Variants in NBN observed in about 807,000 individuals in gnomAD.
NBN encodes nibrin.
A neutral mutation model predicts 90.8 loss-of-function variants in NBN; 88 were observed. The ratio of observed to expected loss-of-function variants is 0.97; its 90% CI spans 0.82 to 1.16. The LOEUF (loss-of-function observed/expected upper bound fraction) is 1.16. Among genes scored for constraint, NBN ranks in the 50% most tolerant of loss-of-function variants. The probability of loss-of-function intolerance (pLI) is 0.00; values close to 1 mark genes in which losing one functional copy is unlikely to be tolerated. For missense variants in NBN, 894 were observed against 869.6 expected, an observed-to-expected ratio of 1.03 and a Z score of -0.35; for synonymous variants, 328 against 295.1, an observed-to-expected ratio of 1.11 and a Z score of -1.14.
chr8:89,943,576 T>C lies in NBN; in HGVS notation c.2071-210A>G, dbSNP rs547710831. Among the ~76,000 whole-genome samples, 6 of 152,304 alleles carry C rather than the reference T, an allele frequency of 3.9e-5. No individual in the cohort carries two copies. In the East Asian group the frequency reaches 1.2e-3, roughly 29 times the overall value. ...CTATTACTATATACAGATCTGGACATGTCATGGGATTTATGTATTAAAAAT... is the reference window on the plus strand; with the variant it reads ...CTATTACTATATACAGATCTGGACACGTCATGGGATTTATGTATTAAAAAT... On this transcript the variant is annotated intron_variant, in intron 13 of 15. Coordinates refer to ENST00000265433, the MANE Select transcript of NBN (RefSeq NM_002485.5).
intron 13 of NBN, among the ~76,000 whole-genome samples, chr8:89,943,741 C>T (rs1195543732): frequency 6.6e-6 from 1 of 152,092 alleles, no homozygotes; most frequent in Non-Finnish European, 1.5e-5. Context: ...AGCTTAAGCC[C>T]TTTCTAATAT....
intron 8 of NBN, among the ~76,000 whole-genome samples, chr8:89,964,138 ATG>A (rs13312892): frequency 0.011 from 1,642 of 152,180 alleles, 82 homozygotes; most frequent in Admixed American, 0.079. Context: ...TGAACTTACC[ATG>A]TGTGTGTGTT....
At chr8:89,972,594 A>G (rs1811567533) in intron 5 of NBN, among the ~76,000 whole-genome samples, 1 of 152,238 alleles carries the variant, frequency 6.6e-6, no homozygotes, top group African/African-American at 2.4e-5. Flanking sequence ...CGGACACATA[A>G]AAAGGATCAA....
At chr8:89,964,587 C>T in intron 7 of NBN, 80 bp from the exon 8 acceptor site, 8 of 1,395,250 alleles carry the variant, frequency 5.7e-6, no homozygotes, top group Non-Finnish European at 7.9e-6. Flanking sequence ...GATAAAGCAA[C>T]CTCTTTTTTT....
rs962564457 is a variant in NBN, at chr8:89,935,239, A to AT, written c.*342dup. ...GATTCATAAGAAATGAGTATCATGA[A>AT]TTTTTTTCTGAGGGGAACCAAGTAG... is the stretch of plus-strand genomic sequence containing the variant. On this transcript the variant is annotated 3_prime_UTR_variant, in exon 16 of 16. Transcript: ENST00000265433. 7.7e-5 allele frequency: 22 copies of AT among 286,970 alleles called. No individual in the cohort carries two copies. The highest frequency in any genetic ancestry group is 1.0e-3 in the Middle Eastern group (1 of 958). 17.8% of individuals were successfully genotyped at this position (286,970 alleles called of 1,614,324 possible).
At chr8:89,978,345 A>AATAT in intron 4 of NBN, 22 bp from the exon 5 acceptor site, 1 of 1,571,718 alleles carries the variant, frequency 6.4e-7, no homozygotes, top group Admixed American at 1.7e-5. Context: ...AAAACATGTG[A>AATAT]ATATATATAT....
intron 14 of NBN, 144 bp downstream of exon 14, chr8:89,943,109 A>G (rs1810023402): frequency 2.6e-6 from 2 of 770,010 alleles, no homozygotes; most frequent in Non-Finnish European, 4.5e-6. Context: ...GTATAGATTA[A>G]TGCTCTGTAA....
chr8:89,957,307 CAA>C, intron 9 of NBN, among the ~76,000 whole-genome samples: 1 of 151,982 alleles, frequency 6.6e-6, no homozygotes, highest in South Asian at 2.1e-4. Context: ...TTGTTTTTAA[CAA>C]AAGTTTAAAA....
At chr8:89,958,914 G>A (rs1044220586) in intron 8 of NBN, 60 bp from the exon 9 acceptor site, 8 of 1,597,650 alleles carry the variant, frequency 5.0e-6, no homozygotes, top group Admixed American at 1.7e-5. Context: ...ATGAACATCT[G>A]GTCACTTAAA....
chr8:89,963,640 T>A (rs1811103899), intron 8 of NBN, among the ~76,000 whole-genome samples: 1 of 152,204 alleles, frequency 6.6e-6, no homozygotes, highest in African/African-American at 2.4e-5. Flanking sequence ...ATACATTGGC[T>A]TTCATGATTA....
chr8:89,934,701 A>G lies in NBN; in HGVS notation c.*881T>C, dbSNP rs1178425592. 1 of 233,166 alleles carries G rather than the reference A, an allele frequency of 4.3e-6. No individual in the cohort carries two copies. The highest frequency in any genetic ancestry group is 8.5e-6 in the Non-Finnish European group (1 of 118,030). 14.4% of individuals were successfully genotyped at this position (233,166 alleles called of 1,614,324 possible). On this transcript the variant is annotated 3_prime_UTR_variant, in exon 16 of 16. Transcript: ENST00000265433. The stretch of plus-strand genomic sequence containing the variant: ...CTTGCTGGATCACAGGTACATGAAT[A>G]TATTTTTGAACACAGACTTGAAAAT...
intron 5 of NBN, among the ~76,000 whole-genome samples, chr8:89,977,580 G>T: frequency 6.6e-6 from 1 of 152,084 alleles, no homozygotes; most frequent in Non-Finnish European, 1.5e-5. Context: ...AATCCTTTGG[G>T]TATATACCCA....
Position 89,953,428 on chromosome 8 carries a change from T to C in NBN, c.1661A>G (p.Asp554Gly). 6.2e-7 allele frequency: 1 copy of C among 1,613,904 alleles called. No individual in the cohort carries two copies. Among genetic ancestry groups the C allele is most frequent in the African/African-American group, 1.3e-5 (1 of 75,052 alleles). The change falls in exon 11 of 16, where the codon GAT becomes GGT. Residue 554 changes from aspartate (D) to glycine (G), a missense_variant. Asp to Gly is a moderately conservative substitution (Grantham distance 94). Coordinates refer to ENST00000265433, the MANE Select transcript of NBN (RefSeq NM_002485.5). ...TACTTCATCTTCTATGGCCACATCA[T>C]CCATTTCCCTTTTTTTATTTGATCT... is the stretch of plus-strand genomic sequence containing the variant. Reference protein sequence around the residue: ...KLRSNKKREMDDVAIEDEVLE... With the variant: ...KLRSNKKREMGDVAIEDEVLE...
chr8:89,982,481 T>C, intron 2 of NBN: 1 of 549,482 alleles, frequency 1.8e-6, no homozygotes. Flanking sequence ...CTACTTCCTC[T>C]GAGTTTCTAA....
chr8:89,980,141 A>C (rs1199737192), intron 4 of NBN, among the ~76,000 whole-genome samples: 1 of 152,248 alleles, frequency 6.6e-6, no homozygotes, highest in East Asian at 1.9e-4. Flanking sequence ...CCAAAGTACA[A>C]GTTGAGTTCC....
intron 6 of NBN, among the ~76,000 whole-genome samples, chr8:89,970,919 A>G (rs1811484789): frequency 6.6e-6 from 1 of 152,228 alleles, no homozygotes; most frequent in East Asian, 1.9e-4. Context: ...TACTAACTAA[A>G]GAAGTTAAAA....
At chr8:89,980,635 C>G (rs1322128487) in intron 4 of NBN, 99 bp downstream of exon 4, 1 of 984,610 alleles carries the variant, frequency 1.0e-6, no homozygotes, top group Non-Finnish European at 1.5e-6. Flanking sequence ...ACTAACAGTT[C>G]TGATAGTTTT....
At chr8:89,950,752 C>A (rs1046929229) in intron 11 of NBN, among the ~76,000 whole-genome samples, 1 of 41,536 alleles carries the variant, frequency 2.4e-5, no homozygotes, top group Non-Finnish European at 3.6e-5. Flanking sequence ...ATGAAAGTTT[C>A]TTTCGGTCTA....
intron 13 of NBN, 150 bp from the exon 14 acceptor site, chr8:89,943,516 T>C: frequency 1.3e-6 from 1 of 784,050 alleles, no homozygotes; most frequent in Non-Finnish European, 2.1e-6. Context: ...AGTAACTCTG[T>C]TCTAAACCCA....
Sources: gnomAD v4.1 joint callset for allele counts (sites outside exome capture counted in the v4.1 genomes callset) on GRCh38, gnomAD v4.1.1 for gene constraint, MANE v1.5 for transcripts, NCBI Gene and HGNC (gene_info 2026-07-23, HGNC 2026-07-21) for gene names.